The following PRMT8 variants were observed in gnomAD, a reference collection of about 807,000 sequenced individuals.
PRMT8 encodes protein arginine methyltransferase 8, also known as protein arginine N-methyltransferase 8.
A neutral mutation model predicts 47.1 loss-of-function variants in PRMT8; 7 were observed. The ratio of observed to expected loss-of-function variants is 0.15; its 90% CI spans 0.08 to 0.28. PRMT8 has a LOEUF of 0.28. Among genes scored for constraint, PRMT8 ranks in the 10% least tolerant of loss-of-function variants. The pLI is 1.00. For missense variants in PRMT8, 237 were observed against 505.4 expected (o/e 0.47, Z 5.09); for synonymous variants, 188 against 186.5 (o/e 1.01, Z -0.07).
At chr12:3,392,960 C>T (rs1255528017) in intron 1 of PRMT8, among the ~76,000 whole-genome samples, 1 of 152,158 alleles carries the variant, frequency 6.6e-6, no homozygotes, top group Non-Finnish European at 1.5e-5. Context: ...CTCTGATGGC[C>T]AGTGATGGTG....
chr12:3,491,469 A>C lies in PRMT8; in HGVS notation c.-157A>C, dbSNP rs1232946302. ...TAAAAGAAAGTGGAGACTGCAGAAC[A>C]GACTCCGCTGTGGCTGACTGTGCCG... On this transcript the variant is annotated 5_prime_UTR_variant, in exon 1 of 10. Transcript: ENST00000382622. The C allele has an allele frequency of 9.1e-6, 13 of 1,435,380 alleles. No homozygotes were observed. The highest frequency in any genetic ancestry group is 1.4e-5 in the African/African-American group (1 of 69,576). The allele number at this position is 1,435,380 out of a possible 1,614,324, so 88.9% of individuals were successfully genotyped here.
At chr12:3,425,972 T>C (rs2109191) in intron 1 of PRMT8, among the ~76,000 whole-genome samples, 144,429 of 152,360 alleles carry the variant, frequency 0.95, 68,607 homozygotes, top group Non-Finnish European at 0.98. Context: ...TCCTCCCTGT[T>C]GTGAGAGACA....
In PRMT8 at chr12:3,436,410, C is replaced by T. The variant is rs1240093942; in HGVS notation, c.48+54968C>T. Among the ~76,000 whole-genome samples the T allele has an allele frequency of 6.6e-6, 1 of 152,284 alleles. No homozygotes were observed. The highest frequency in any genetic ancestry group is 2.1e-4 in the South Asian group (1 of 4,822). On this transcript the variant is annotated intron_variant, in intron 1 of 9. Transcript: ENST00000452611. The surrounding 1 kb of genome is among the most constrained non-coding windows in gnomAD (Gnocchi z 4.2). Reference sequence around the variant, plus strand: ...TTCAGCACCAGCAGCCCCAGGTAAGCCAGGGGCTGAGCTACTGTGATAAAA... The same window carrying T: ...TTCAGCACCAGCAGCCCCAGGTAAGTCAGGGGCTGAGCTACTGTGATAAAA...
chr12:3,540,833 T>C (rs758656583), intron 2 of PRMT8, 42 bp downstream of exon 2: 13 of 1,575,690 alleles, frequency 8.3e-6, no homozygotes, highest in Non-Finnish European at 1.1e-5. Context: ...CGAGGCTGAC[T>C]CTGCTGTTCT....
Position 3,409,123 on chromosome 12 carries a change from G to T in PRMT8, c.48+27681G>T, listed in dbSNP as rs191827051. Among the ~76,000 whole-genome samples, 22 of 152,238 alleles carry T rather than the reference G, an allele frequency of 1.4e-4. No homozygotes were observed. In the East Asian group the frequency reaches 4.3e-3, roughly 29 times the overall value. ...CCTACTGTGGCACCTGGGACTTGGG[G>T]TGAAGGTTCACTCTCTGTGAAGCAT... is the stretch of plus-strand genomic sequence containing the variant. On this transcript the variant is annotated intron_variant, in intron 1 of 9. Transcript: ENST00000452611. This position sits in a 1 kb window ranked among gnomAD's most constrained non-coding sequence, Gnocchi z 4.4.
Position 3,566,982 on chromosome 12 carries a change from G to T in PRMT8, c.482-1724G>T, listed in dbSNP as rs1866730887. Among the ~76,000 whole-genome samples, 1 of 152,194 alleles carries T rather than the reference G, an allele frequency of 6.6e-6. No homozygotes were observed. Among genetic ancestry groups the T allele is most frequent in the Non-Finnish European group, 1.5e-5 (1 of 68,026 alleles). Reference sequence around the variant, plus strand: ...ATACAAAAAGGGACTCCAAAATTATGTGTATGTCTATGTCAGTTTATCAAA... The same window carrying T: ...ATACAAAAAGGGACTCCAAAATTATTTGTATGTCTATGTCAGTTTATCAAA... On this transcript the variant is annotated intron_variant, in intron 4 of 9. Coordinates refer to ENST00000382622, the MANE Select transcript of PRMT8 (RefSeq NM_019854.5). This position sits in a 1 kb window ranked among gnomAD's most constrained non-coding sequence, Gnocchi z 4.7.
rs1330645555 is a variant in PRMT8, at chr12:3,570,083, G to C, written c.712+519G>C. Among the ~76,000 whole-genome samples, 1 of 151,304 alleles carries C rather than the reference G, an allele frequency of 6.6e-6. No individual in the cohort carries two copies. The highest frequency in any genetic ancestry group is 2.0e-4 in the East Asian group (1 of 5,110). ...ATAGCAGAGGGGGTGGGAAAGAGTG[G>C]AGATTTTGCTTTGAACAATCAAACG... On this transcript the variant is annotated intron_variant, in intron 6 of 9. Transcript: ENST00000382622. This position sits in a 1 kb window ranked among gnomAD's most constrained non-coding sequence, Gnocchi z 5.5.
At position 3,557,783 on chromosome 12, in the gene PRMT8, C is replaced by T. The variant is rs1866553364; in HGVS notation, c.481+4069C>T. 6.6e-6 allele frequency among the ~76,000 whole-genome samples: 1 copy of T among 152,012 alleles called. No individual in the cohort carries two copies. Among genetic ancestry groups the T allele is most frequent in the Admixed American group, 6.6e-5 (1 of 15,264 alleles). ...GTGTGTTTGTGTGGATGCAGAAGCA[C>T]CAGGAGTGCTGCTGAGCCTGAAAGC... is the stretch of plus-strand genomic sequence containing the variant. On this transcript the variant is annotated intron_variant, in intron 4 of 9. Transcript: ENST00000382622. This position sits in a 1 kb window ranked among gnomAD's most constrained non-coding sequence, Gnocchi z 4.7.
chr12:3,465,295 A>C (rs9705468), intron 1 of PRMT8, among the ~76,000 whole-genome samples: 2 of 56,540 alleles, frequency 3.5e-5, no homozygotes, highest in African/African-American at 7.2e-5. Flanking sequence ...TATAATATAT[A>C]ATAAAATATA....
chr12:3,498,184 G>T (rs982652025), intron 1 of PRMT8, among the ~76,000 whole-genome samples: 76 of 152,182 alleles, frequency 5.0e-4, no homozygotes, highest in African/African-American at 1.8e-3. Flanking sequence ...CCATTGTATG[G>T]ATTAATAAAC....
At chr12:3,520,448 G>C (rs1865862999) in intron 1 of PRMT8, among the ~76,000 whole-genome samples, 1 of 152,310 alleles carries the variant, frequency 6.6e-6, no homozygotes, top group South Asian at 2.1e-4. Flanking sequence ...ACGTTTCCCA[G>C]TGCACCCTGG....
chr12:3,444,863 G>A (rs1044336898), intron 1 of PRMT8, among the ~76,000 whole-genome samples: 1 of 152,232 alleles, frequency 6.6e-6, no homozygotes, highest in Non-Finnish European at 1.5e-5. Context: ...CGGGTGCCTG[G>A]CAGCAAACCC....
chr12:3,569,294 T>G lies in PRMT8; in HGVS notation c.625-183T>G, dbSNP rs1866801023. On this transcript the variant is annotated intron_variant, in intron 5 of 9. Transcript: ENST00000382622. The surrounding 1 kb of genome is among the most constrained non-coding windows in gnomAD (Gnocchi z 8.2). ...TCCACCTAGGTCCCTTAAATTTTCC[T>G]TGCTCCAAAATAAAAATTGAGCACT... Among the ~76,000 whole-genome samples, 1 of 152,188 alleles carries G rather than the reference T, an allele frequency of 6.6e-6. No individual in the cohort carries two copies.
At chr12:3,563,359 G>A (rs530539912) in intron 4 of PRMT8, among the ~76,000 whole-genome samples, 6 of 151,824 alleles carry the variant, frequency 4.0e-5, no homozygotes, top group Non-Finnish European at 7.4e-5. Context: ...CTATGTTCTC[G>A]GGTGAGTGGG....
In PRMT8 at chr12:3,535,546, AGGCAG is replaced by A. The variant is rs1866103385; in HGVS notation, c.76-5057_76-5053del. Among the ~76,000 whole-genome samples, 1 of 152,116 alleles carries A rather than the reference AGGCAG, an allele frequency of 6.6e-6. No individual in the cohort carries two copies. ...TTTGGACGGAGGTGGGGAAAGAGCA[AGGCAG>A]GGTGCTTTCTCTGCCCTGGGGCCCA... On this transcript the variant is annotated intron_variant, in intron 1 of 9. Coordinates refer to ENST00000382622, the MANE Select transcript of PRMT8 (RefSeq NM_019854.5). The surrounding 1 kb of genome is among the most constrained non-coding windows in gnomAD (Gnocchi z 4.7).
intron 1 of PRMT8, among the ~76,000 whole-genome samples, 187 bp downstream of exon 1, chr12:3,491,887 TGTTGGTGGGGG>T (rs1865414707): frequency 2.2e-5 from 1 of 45,280 alleles, no homozygotes; most frequent in South Asian, 7.6e-4. Flanking sequence ...TGTGTGTGTG[TGTTGGTGGGGG>T]GTGGGGGGGA....
rs1864947563 is a variant in PRMT8 at position 3,453,930 on chromosome 12, C to T, written c.48+72488C>T. Reference sequence around the variant, plus strand: ...AACACGGGGTGCCTCGTGTGCTCCTCATGGCACATTTACCATGGGCTTTTT... The same window carrying T: ...AACACGGGGTGCCTCGTGTGCTCCTTATGGCACATTTACCATGGGCTTTTT... On this transcript the variant is annotated intron_variant, in intron 1 of 9. Coordinates refer to the PRMT8 transcript ENST00000452611. This position sits in a 1 kb window ranked among gnomAD's most constrained non-coding sequence, Gnocchi z 4.9. Among the ~76,000 whole-genome samples the T allele has an allele frequency of 6.6e-6, 1 of 152,230 alleles. No homozygotes were observed. Among genetic ancestry groups the T allele is most frequent in the African/African-American group, 2.4e-5 (1 of 41,450 alleles).
At chr12:3,432,775 TG>T (rs111741211) in intron 1 of PRMT8, among the ~76,000 whole-genome samples, 1 of 152,130 alleles carries the variant, frequency 6.6e-6, no homozygotes. Flanking sequence ...TTCGTTTTGT[TG>T]GTTTTTGTTT....
chr12:3,509,912 C>A (rs185241112), intron 1 of PRMT8, among the ~76,000 whole-genome samples: 2 of 152,196 alleles, frequency 1.3e-5, no homozygotes, highest in African/African-American at 4.8e-5. Flanking sequence ...GTAACCGGCA[C>A]GGCATAAGTC....
Sources: gnomAD v4.1 joint callset for allele counts (sites outside exome capture counted in the v4.1 genomes callset) on GRCh38, gnomAD v4.1.1 for gene constraint, Gnocchi (gnomAD v3.1) non-coding constraint, MANE v1.5 for transcripts, NCBI Gene and HGNC (gene_info 2026-07-23, HGNC 2026-07-21) for gene names.